The following TDRP variants were observed in gnomAD, a reference collection of about 807,000 sequenced individuals.
The protein encoded by TDRP is testis development related protein.
In TDRP, 12 loss-of-function variants were observed where a neutral mutation model predicts 10.5. The ratio of observed to expected loss-of-function variants is 1.15; its 90% CI spans 0.73 to 1.86. The LOEUF is 1.86. Among genes scored for constraint, TDRP ranks in the 40% most tolerant of loss-of-function variants. TDRP has a pLI of 0.00. For synonymous variants in TDRP, 139 were observed against 95.4 expected, an observed-to-expected ratio of 1.46 and a Z score of -2.67; for missense variants, 353 against 229.2, an observed-to-expected ratio of 1.54 and a Z score of -3.49.
intron 1 of TDRP, among the ~76,000 whole-genome samples, chr8:503,526 G>C (rs116677910): frequency 0.012 from 1,735 of 148,364 alleles, 40 homozygotes; most frequent in African/African-American, 0.041. Context: ...ACGGAATCCA[G>C]AGCAGCACAC....
At chr8:500,127 G>A (rs984915107) in intron 1 of TDRP, among the ~76,000 whole-genome samples, 2 of 152,156 alleles carry the variant, frequency 1.3e-5, no homozygotes, top group African/African-American at 4.8e-5. Flanking sequence ...CAAGAAGTTA[G>A]GCCACAGAAA....
intron 2 of TDRP, among the ~76,000 whole-genome samples, chr8:493,679 A>C (rs920593848): frequency 6.6e-6 from 1 of 152,252 alleles, no homozygotes; most frequent in Non-Finnish European, 1.5e-5. Flanking sequence ...CTGATGATAA[A>C]GTAGCAAGGT....
chr8:534,601 T>C (rs1257538028), intron 1 of TDRP, among the ~76,000 whole-genome samples: 1 of 152,084 alleles, frequency 6.6e-6, no homozygotes, highest in Non-Finnish European at 1.5e-5. Flanking sequence ...AACAGTGAAA[T>C]CATACGCAAG....
chr8:526,871 G>GA (rs1802048894), intron 1 of TDRP, among the ~76,000 whole-genome samples: 1 of 152,008 alleles, frequency 6.6e-6, no homozygotes, highest in South Asian at 2.1e-4. Context: ...TCAGACACCA[G>GA]AAAAAAATAA....
In TDRP at chr8:490,825, A is replaced by G. The variant is rs1197961902; in HGVS notation, c.*1574T>C. 6.6e-6 allele frequency: 1 copy of G among 152,192 alleles called. No individual in the cohort carries two copies. The highest frequency in any genetic ancestry group is 2.4e-5 in the African/African-American group (1 of 41,440). 9.4% of individuals were successfully genotyped at this position (152,192 alleles called of 1,614,324 possible). A position where few individuals can be genotyped will look rare whatever the true frequency, so the allele number is the denominator to read the frequency against. ...TACAAGCTGGAATTTTTGTTTGAAC[A>G]CCAATTGAAACATGTCCCCCTTTCA... is the stretch of plus-strand genomic sequence containing the variant. On this transcript the variant is annotated 3_prime_UTR_variant, in exon 3 of 3. Coordinates refer to ENST00000324079, the MANE Select transcript of TDRP (RefSeq NM_001384899.1).
chr8:505,138 A>G (rs1319640308), intron 1 of TDRP, among the ~76,000 whole-genome samples: 3 of 152,210 alleles, frequency 2.0e-5, no homozygotes, highest in African/African-American at 4.8e-5. Context: ...TATGTAATCT[A>G]AAACCAAAAA....
intron 1 of TDRP, among the ~76,000 whole-genome samples, chr8:524,407 G>T (rs551837921): frequency 4.6e-5 from 7 of 152,040 alleles, no homozygotes; most frequent in Admixed American, 1.3e-4. Flanking sequence ...ACATCCACAA[G>T]AATCAAGATC....
intron 1 of TDRP, among the ~76,000 whole-genome samples, chr8:528,392 G>GTGATGGATACCT (rs1554464175): frequency 6.0e-5 from 9 of 150,876 alleles, no homozygotes; most frequent in South Asian, 4.3e-4. Context: ...ATAGGATCCA[G>GTGATGGATACCT]CAATCCCACT....
At chr8:523,334 T>G (rs1342814540) in intron 1 of TDRP, among the ~76,000 whole-genome samples, 1 of 152,158 alleles carries the variant, frequency 6.6e-6, no homozygotes, top group Non-Finnish European at 1.5e-5. Flanking sequence ...TCGGGGGGAA[T>G]GGAGGTGGAG....
At chr8:499,642 T>G (rs1418774310) in intron 1 of TDRP, among the ~76,000 whole-genome samples, 1 of 152,048 alleles carries the variant, frequency 6.6e-6, no homozygotes, top group Admixed American at 6.6e-5. Flanking sequence ...GCGTGAGGAG[T>G]GCTGTGAGGC....
intron 1 of TDRP, among the ~76,000 whole-genome samples, chr8:528,990 G>C (rs1224586452): frequency 1.3e-5 from 2 of 152,306 alleles, no homozygotes; most frequent in African/African-American, 2.4e-5. Flanking sequence ...TCTGATGTTT[G>C]AGGGCAGGAA....
At chr8:539,269 G>T (rs1469778642) in intron 1 of TDRP, among the ~76,000 whole-genome samples, 3 of 152,140 alleles carry the variant, frequency 2.0e-5, no homozygotes, top group African/African-American at 7.2e-5. Context: ...CTAATATGGT[G>T]GTAAGAAGCT....
Position 491,593 on chromosome 8 carries a change from T to C in TDRP, c.*806A>G. The C allele has an allele frequency of 6.6e-7, 1 of 1,525,870 alleles. No homozygotes were observed. 94.5% of individuals were successfully genotyped at this position (1,525,870 alleles called of 1,614,324 possible). A position where few individuals can be genotyped will look rare whatever the true frequency, so the allele number is the denominator to read the frequency against. On this transcript the variant is annotated 3_prime_UTR_variant, in exon 3 of 3. Coordinates refer to ENST00000324079, the MANE Select transcript of TDRP (RefSeq NM_001384899.1). ...CACTTCAGTATTTTATGCACAGTCT[T>C]AACTCTCTATAATGAGCAAGACAAT... is the stretch of plus-strand genomic sequence containing the variant.
intron 1 of TDRP, among the ~76,000 whole-genome samples, chr8:496,011 G>A (rs1801121904): frequency 6.6e-6 from 1 of 152,212 alleles, no homozygotes; most frequent in Admixed American, 6.5e-5. Context: ...AGGCGTTTAT[G>A]AATCAGATAC....
chr8:537,138 T>C (rs2071572389), intron 1 of TDRP, among the ~76,000 whole-genome samples: 1 of 152,198 alleles, frequency 6.6e-6, no homozygotes, highest in Non-Finnish European at 1.5e-5. Context: ...CCACACCAGG[T>C]ACACTCCTCT....
In TDRP at chr8:542,538, T is replaced by A. The variant is rs565318286; in HGVS notation, c.108+2112A>T. On this transcript the variant is annotated intron_variant, in intron 1 of 2. Transcript: ENST00000324079. ...CCTGAAAAATAGAGTCTATTAAAGT[T>A]TTTTCCCCCCAAAACCAACACACAC... 9.9e-3 allele frequency among the ~76,000 whole-genome samples: 1,511 copies of A among 152,020 alleles called. 20 individuals are homozygous for A. The highest frequency in any genetic ancestry group is 0.034 in the African/African-American group (1,403 of 41,468).
At chr8:542,542 T>C (rs971832782) in intron 1 of TDRP, among the ~76,000 whole-genome samples, 33 of 151,688 alleles carry the variant, frequency 2.2e-4, no homozygotes, top group African/African-American at 7.8e-4. Context: ...TAAAGTTTTT[T>C]CCCCCCAAAA....
intron 1 of TDRP, among the ~76,000 whole-genome samples, chr8:521,273 C>G (rs943257938): frequency 1.0e-4 from 14 of 136,500 alleles, no homozygotes; most frequent in Non-Finnish European, 1.7e-4. Flanking sequence ...AAAAAATAGG[C>G]AGGCGTGGTG....
At chr8:514,770 C>T (rs893542237) in intron 1 of TDRP, among the ~76,000 whole-genome samples, 1 of 152,048 alleles carries the variant, frequency 6.6e-6, no homozygotes, top group Non-Finnish European at 1.5e-5. Context: ...GGGGAAGGCC[C>T]ACCCGAGAAG....
Sources: gnomAD v4.1 joint callset for allele counts (sites outside exome capture counted in the v4.1 genomes callset) on GRCh38, gnomAD v4.1.1 for gene constraint, MANE v1.5 for transcripts, NCBI Gene and HGNC (gene_info 2026-07-23, HGNC 2026-07-21) for gene names.